Variants in TSBP1 observed in about 807,000 individuals in gnomAD.
TSBP1 encodes the protein testis expressed basic protein 1.
A neutral mutation model predicts 68.8 loss-of-function variants in TSBP1; 56 were observed. That is an observed-to-expected ratio of 0.81 (90% CI 0.66 to 1.02). TSBP1 has a LOEUF of 1.02. Among genes scored for constraint, TSBP1 ranks in the 50% least tolerant of loss-of-function variants. The pLI, the probability that TSBP1 is intolerant of heterozygous loss-of-function variation, is 0.00. For synonymous variants in TSBP1, 171 were observed against 208.7 expected, an observed-to-expected ratio of 0.82 and a Z score of 1.56; for missense variants, 502 against 641.2, an observed-to-expected ratio of 0.78 and a Z score of 2.34.
chr6:32,355,820 A>C, intron 6 of TSBP1, 151 bp from the exon 7 acceptor site: 1 of 958,548 alleles, frequency 1.0e-6, no homozygotes, highest in Non-Finnish European at 1.4e-6. Context: ...TTAATTTATA[A>C]GTTTAATGAC....
At position 32,361,073 on chromosome 6, in the gene TSBP1, C is replaced by G. The variant is rs951984844; in HGVS notation, c.217+5094G>C. ...GGCCCCAGTGTGTGATGTTCCCCACCCTGTGTCCAAGTGTTCTCATTGTTC... is the reference window on the plus strand; with the variant it reads ...GGCCCCAGTGTGTGATGTTCCCCACGCTGTGTCCAAGTGTTCTCATTGTTC... On this transcript the variant is annotated intron_variant, in intron 6 of 22. Coordinates refer to ENST00000612031, the Ensembl canonical transcript of TSBP1. This position sits in a 1 kb window ranked among gnomAD's most constrained non-coding sequence, Gnocchi z 4.3. Among the ~76,000 whole-genome samples, 10 of 152,206 alleles carry G rather than the reference C, an allele frequency of 6.6e-5. No individual in the cohort carries two copies. Among genetic ancestry groups the G allele is most frequent in the South Asian group, 2.1e-4 (1 of 4,828 alleles).
At chr6:32,297,979 AT>A (rs1253202660) in intron 22 of TSBP1, among the ~76,000 whole-genome samples, 1 of 152,168 alleles carries the variant, frequency 6.6e-6, no homozygotes, top group Non-Finnish European at 1.5e-5. Flanking sequence ...TTTACAAAAA[AT>A]TTTTTAAAAG....
rs1765103258 is a variant in TSBP1 at position 32,299,854 on chromosome 6, A to G, written c.637+68T>C. On this transcript the variant is annotated intron_variant, in intron 22 of 22. Transcript: ENST00000612031. ...ACAGGCCTCTATTTTGGGAGTAGAA[A>G]CAGACAGGTCACAAAAGAATTAAAA... The G allele has an allele frequency of 1.5e-5, 20 of 1,317,924 alleles. 2 individuals carry two copies. The South Asian group carries it at 2.2e-4, about 15-fold the overall frequency. The allele number at this position is 1,317,924 out of a possible 1,614,324, so 81.6% of individuals were successfully genotyped here.
exon 23 of TSBP1, chr6:32,293,011 T>A: frequency 6.2e-7 from 1 of 1,604,614 alleles, no homozygotes; most frequent in Non-Finnish European, 8.5e-7. Flanking sequence ...TGTACTTCCT[T>A]CCTGTATTTG....
rs1308480368 is a variant in TSBP1 at position 32,336,289 on chromosome 6, G to C, written c.430+326C>G. ...AAAGGTGTACCTTCCCTTGCTGATG[G>C]ATCATTATGACTATTTCTAAGAGGG... On this transcript the variant is annotated intron_variant, in intron 12 of 22. Coordinates refer to ENST00000612031, the Ensembl canonical transcript of TSBP1. This position sits in a 1 kb window ranked among gnomAD's most constrained non-coding sequence, Gnocchi z 5.2. Among the ~76,000 whole-genome samples, 1 of 152,156 alleles carries C rather than the reference G, an allele frequency of 6.6e-6. No individual in the cohort carries two copies. The highest frequency in any genetic ancestry group is 1.9e-4 in the East Asian group (1 of 5,204).
At chr6:32,368,384 G>A (rs3129933) in intron 3 of TSBP1, among the ~76,000 whole-genome samples, 19,811 of 152,050 alleles carry the variant, frequency 0.13, 1,495 homozygotes, top group Non-Finnish European at 0.17. Flanking sequence ...GTTCACTCTC[G>A]TTATTCTAGG....
rs950238985 is a variant in TSBP1 at position 32,343,650 on chromosome 6, C to G, written c.350-4012G>C. On this transcript the variant is annotated intron_variant, in intron 9 of 22. Coordinates refer to ENST00000612031, the Ensembl canonical transcript of TSBP1. The surrounding 1 kb of genome is among the most constrained non-coding windows in gnomAD (Gnocchi z 4.3). The stretch of plus-strand genomic sequence containing the variant: ...GTTCTAGTTTTATAAGAAAAGAAAA[C>G]CGAGATTGAGAAAGGGAAGGGCTGT... 1.2e-4 allele frequency among the ~76,000 whole-genome samples: 18 copies of G among 152,084 alleles called. No individual in the cohort carries two copies. Among genetic ancestry groups the G allele is most frequent in the Non-Finnish European group, 2.5e-4 (17 of 68,020 alleles).
rs376662771 is a variant in TSBP1, at chr6:32,332,871, C to A, written c.473-817G>T. On this transcript the variant is annotated intron_variant, in intron 14 of 22. Transcript: ENST00000612031. ...CAAGTGATCCTCCTGCCTTAGCCTC[C>A]CAAAGTGCAGAAATTACAGGTGTGA... 1.8e-3 allele frequency among the ~76,000 whole-genome samples: 278 copies of A among 152,194 alleles called. 7 individuals are homozygous for A. In the South Asian group the frequency reaches 0.047, roughly 25 times the overall value.
At chr6:32,320,460 T>C (rs1288220360) in intron 18 of TSBP1, among the ~76,000 whole-genome samples, 1 of 152,192 alleles carries the variant, frequency 6.6e-6, no homozygotes, top group Non-Finnish European at 1.5e-5. Context: ...ATGTTGTATC[T>C]TGAGGCTTTT....
chr6:32,330,011 C>G (rs895343078), intron 16 of TSBP1, among the ~76,000 whole-genome samples: 2 of 131,806 alleles, frequency 1.5e-5, no homozygotes, highest in Admixed American at 1.7e-4. Flanking sequence ...TCCTATCTTT[C>G]TTTTCCTCTC....
chr6:32,323,676 T>C (rs1767903852), intron 16 of TSBP1, 62 bp from the exon 18 acceptor site: 1 of 1,510,580 alleles, frequency 6.6e-7, no homozygotes, highest in Non-Finnish European at 9.2e-7. Context: ...CCTTTCTATG[T>C]AGAGAGTTTC....
chr6:32,353,788 A>G (rs1771970555), intron 8 of TSBP1, among the ~76,000 whole-genome samples: 1 of 152,010 alleles, frequency 6.6e-6, no homozygotes, highest in African/African-American at 2.4e-5. Context: ...CAGAGAAAGA[A>G]TGCACCAGTC....
At position 32,302,009 on chromosome 6, in the gene TSBP1, G is replaced by A. The variant is rs1365891837; in HGVS notation, c.601+600C>T. 1.3e-5 allele frequency among the ~76,000 whole-genome samples: 2 copies of A among 148,844 alleles called. No homozygotes were observed. Among genetic ancestry groups the A allele is most frequent in the Non-Finnish European group, 3.0e-5 (2 of 66,994 alleles). On this transcript the variant is annotated intron_variant, in intron 20 of 22. Transcript: ENST00000612031. The surrounding 1 kb of genome is among the most constrained non-coding windows in gnomAD (Gnocchi z 5.1). ...ATAATAATAATATTTTGTGGCACAT[G>A]AAAATTGTATGAAATTCAAATTTCA...
At chr6:32,318,801 T>TG (rs1467449139) in intron 18 of TSBP1, among the ~76,000 whole-genome samples, 1 of 152,160 alleles carries the variant, frequency 6.6e-6, no homozygotes, top group African/African-American at 2.4e-5. Flanking sequence ...AGAGTTTTTC[T>TG]GGGGGGTGAT....
At chr6:32,327,656 T>TC (rs978454328) in intron 16 of TSBP1, among the ~76,000 whole-genome samples, 2 of 149,422 alleles carry the variant, frequency 1.3e-5, no homozygotes, top group African/African-American at 4.9e-5. Context: ...TTCTTTTTCT[T>TC]TTTTTTTTTC....
chr6:32,329,305 G>A (rs1162471853), intron 16 of TSBP1, among the ~76,000 whole-genome samples: 4 of 152,152 alleles, frequency 2.6e-5, no homozygotes, highest in Admixed American at 1.3e-4. Context: ...GGCTATTAGG[G>A]AACTGTGGAC....
chr6:32,365,847 C>T lies in TSBP1; in HGVS notation c.217+320G>A, dbSNP rs1367951834. 3 of 473,798 alleles carry T rather than the reference C, an allele frequency of 6.3e-6. No individual in the cohort carries two copies. Among genetic ancestry groups the T allele is most frequent in the African/African-American group, 3.9e-5 (2 of 50,968 alleles). The allele number at this position is 473,798 out of a possible 1,614,324, so 29.3% of individuals were successfully genotyped here. A position where few individuals can be genotyped will look rare whatever the true frequency, so the allele number is the denominator to read the frequency against. On this transcript the variant is annotated intron_variant, in intron 6 of 22. Coordinates refer to ENST00000612031, the Ensembl canonical transcript of TSBP1. This position sits in a 1 kb window ranked among gnomAD's most constrained non-coding sequence, Gnocchi z 4.3. ...TCCTGGACTCCCACAATGGTATTGTCTCATCTGTGGATAGTTGTCTAAATT... is the reference window on the plus strand; with the variant it reads ...TCCTGGACTCCCACAATGGTATTGTTTCATCTGTGGATAGTTGTCTAAATT...
In TSBP1 at chr6:32,310,761, A is replaced by ATATATATATTTTTTTTTTT; in HGVS notation, c.580+5010_580+5011insAAAAAAAAAAATATATATA. 6.9e-5 allele frequency among the ~76,000 whole-genome samples: 10 copies of ATATATATATTTTTTTTTTT among 144,830 alleles called. 1 individual carries two copies. The highest frequency in any genetic ancestry group is 6.0e-4 in the East Asian group (3 of 5,010). Reference sequence around the variant, plus strand: ...TATATATACATATATATATATATATATTTTTAATCTTTTTAGAAAGGATAG... The same window carrying ATATATATATTTTTTTTTTT: ...TATATATACATATATATATATATATATATATATATTTTTTTTTTTTTTTTAATCTTTTTAGAAAGGATAG... On this transcript the variant is annotated intron_variant, in intron 19 of 22. Transcript: ENST00000612031.
intron 18 of TSBP1, among the ~76,000 whole-genome samples, chr6:32,320,386 A>G (rs532553325): frequency 2.3e-4 from 35 of 152,102 alleles, no homozygotes; most frequent in African/African-American, 7.7e-4. Flanking sequence ...GCTTCTGTGC[A>G]TGGGGAGGCA....
Sources: allele counts gnomAD v4.1 joint callset (sites outside exome capture counted in the v4.1 genomes callset), GRCh38; gene constraint gnomAD v4.1.1; non-coding constraint Gnocchi (gnomAD v3.1); transcripts MANE v1.5; gene names NCBI Gene and HGNC (gene_info 2026-07-23, HGNC 2026-07-21).